The following RNF217 variants were observed in gnomAD, a reference collection of about 807,000 sequenced individuals.
The protein encoded by RNF217 is E3 ubiquitin-protein ligase RNF217.
In RNF217, 31 loss-of-function variants were observed where a neutral mutation model predicts 57.8. The observed-to-expected ratio is 0.54, with a 90% CI of 0.40 to 0.72. The LOEUF is 0.72. Ranked by LOEUF, RNF217 falls within the 30% of genes least tolerant of loss-of-function variation. RNF217 has a pLI of 0.00. For missense variants in RNF217, 696 were observed against 708.3 expected (o/e 0.98, Z 0.20); for synonymous variants, 313 against 294.0 (o/e 1.06, Z -0.66).
chr6:125,012,071 A>G (rs1452635493), intron 1 of RNF217, among the ~76,000 whole-genome samples: 1 of 152,154 alleles, frequency 6.6e-6, no homozygotes, highest in Non-Finnish European at 1.5e-5. Context: ...AATGAAAGAG[A>G]TAGTCAGAGG....
chr6:125,064,912 A>G lies in RNF217; in HGVS notation c.1281+6806A>G, dbSNP rs151188618. 9.8e-3 allele frequency among the ~76,000 whole-genome samples: 1,489 copies of G among 152,218 alleles called. 16 individuals carry two copies. The highest frequency in any genetic ancestry group is 0.014 in the Non-Finnish European group (975 of 68,008). On this transcript the variant is annotated intron_variant, in intron 3 of 5. Coordinates refer to ENST00000521654, the MANE Select transcript of RNF217 (RefSeq NM_001286398.3). ...AACCATGCAAACATATTTTGGACTT[A>G]CATATAAAGTAGAATTAGCTTCTGA...
At chr6:125,055,371 C>T (rs1318089305) in intron 2 of RNF217, among the ~76,000 whole-genome samples, 1 of 152,108 alleles carries the variant, frequency 6.6e-6, no homozygotes, top group Non-Finnish European at 1.5e-5. Context: ...TTATTATGAG[C>T]CAGAGTCCCT....
intron 1 of RNF217, among the ~76,000 whole-genome samples, chr6:124,986,964 G>T (rs180891985): frequency 6.6e-6 from 1 of 152,004 alleles, no homozygotes; most frequent in Admixed American, 6.6e-5. Context: ...TTCATCTGTC[G>T]TACTGATCTG....
At chr6:125,056,798 G>T (rs1364971080) in intron 2 of RNF217, among the ~76,000 whole-genome samples, 1 of 152,154 alleles carries the variant, frequency 6.6e-6, no homozygotes, top group African/African-American at 2.4e-5. Flanking sequence ...GGCTCTGTAA[G>T]TCAGGTTATA....
At chr6:125,021,432 A>G (rs1186893132) in intron 1 of RNF217, among the ~76,000 whole-genome samples, 2 of 151,840 alleles carry the variant, frequency 1.3e-5, no homozygotes, top group Non-Finnish European at 2.9e-5. Flanking sequence ...TGCCCGACTA[A>G]TTTTTTGTAT....
chr6:125,078,536 C>A (rs1177609571), intron 4 of RNF217, among the ~76,000 whole-genome samples: 1 of 152,052 alleles, frequency 6.6e-6, no homozygotes, highest in African/African-American at 2.4e-5. Context: ...GCCAGCAAGC[C>A]CACGAGACAC....
intron 1 of RNF217, among the ~76,000 whole-genome samples, chr6:124,998,736 G>A (rs977577211): frequency 2.0e-5 from 3 of 152,306 alleles, no homozygotes; most frequent in Admixed American, 2.0e-4. Context: ...GGGAGGGGGA[G>A]GCTGCAGTGA....
At chr6:125,056,122 G>T (rs1787514699) in intron 2 of RNF217, among the ~76,000 whole-genome samples, 1 of 152,048 alleles carries the variant, frequency 6.6e-6, no homozygotes, top group Non-Finnish European at 1.5e-5. Flanking sequence ...GACCATCTTT[G>T]ACTACTACAT....
rs1030266523 is a variant in RNF217, at chr6:125,087,351, T to A, written c.*4414T>A. On this transcript the variant is annotated 3_prime_UTR_variant, in exon 6 of 6. Transcript: ENST00000521654. The stretch of plus-strand genomic sequence containing the variant: ...TAAGCAACCTGCACATAAGCCTTAA[T>A]GTGAGTCTTCACATTGGATTATATT... The A allele has an allele frequency of 3.3e-5, 5 of 152,204 alleles. No individual in the cohort carries two copies. In the South Asian group the frequency reaches 1.0e-3, roughly 31 times the overall value. 9.4% of individuals were successfully genotyped at this position (152,204 alleles called of 1,614,324 possible). A position where few individuals can be genotyped will look rare whatever the true frequency, so the allele number is the denominator to read the frequency against.
intron 2 of RNF217, among the ~76,000 whole-genome samples, chr6:125,056,756 A>G (rs937294978): frequency 6.6e-6 from 1 of 152,218 alleles, no homozygotes; most frequent in Non-Finnish European, 1.5e-5. Flanking sequence ...ATTCATAATG[A>G]GACATTTTAT....
intron 1 of RNF217, among the ~76,000 whole-genome samples, chr6:125,038,859 A>G (rs1324382837): frequency 6.6e-6 from 1 of 152,098 alleles, no homozygotes; most frequent in African/African-American, 2.4e-5. Flanking sequence ...TCTGTGATAC[A>G]TATGCAGGAT....
rs1166460087 is a variant in RNF217, at chr6:125,087,811, A to T, written c.*4874A>T. The T allele has an allele frequency of 6.6e-6, 1 of 152,074 alleles. No individual in the cohort carries two copies. The highest frequency in any genetic ancestry group is 1.5e-5 in the Non-Finnish European group (1 of 67,984). The allele number at this position is 152,074 out of a possible 1,614,324, so 9.4% of individuals were successfully genotyped here. ...TACCTAATTGGAATGTTTGTTTAAA[A>T]TATTAAATTAATTTATACTGAAAGT... On this transcript the variant is annotated 3_prime_UTR_variant, in exon 6 of 6. Transcript: ENST00000521654.
At chr6:125,061,111 T>C (rs996833431) in intron 3 of RNF217, among the ~76,000 whole-genome samples, 1 of 152,142 alleles carries the variant, frequency 6.6e-6, no homozygotes, top group African/African-American at 2.4e-5. Context: ...AAATTGTGTA[T>C]TATAAATAAT....
intron 1 of RNF217, among the ~76,000 whole-genome samples, chr6:125,023,673 A>ATCT (rs1785946906): frequency 6.6e-6 from 1 of 152,196 alleles, no homozygotes; most frequent in Non-Finnish European, 1.5e-5. Flanking sequence ...GAAACCACCT[A>ATCT]AGTGCCCATT....
intron 3 of RNF217, among the ~76,000 whole-genome samples, chr6:125,062,060 A>G (rs909950851): frequency 6.6e-6 from 1 of 152,050 alleles, no homozygotes; most frequent in Non-Finnish European, 1.5e-5. Context: ...ATTATAATAC[A>G]TAATAGTCTC....
chr6:125,026,373 A>G (rs1786080290), intron 1 of RNF217, among the ~76,000 whole-genome samples: 1 of 152,120 alleles, frequency 6.6e-6, no homozygotes, highest in African/African-American at 2.4e-5. Context: ...GGAGTAACTG[A>G]GGTTAATCAA....
chr6:125,082,345 A>G, intron 5 of RNF217: 1 of 1,184,444 alleles, frequency 8.4e-7, no homozygotes. Context: ...TTTAGCAAGT[A>G]ATAAATGTGC....
intron 1 of RNF217, among the ~76,000 whole-genome samples, chr6:124,991,400 T>C (rs1784555303): frequency 6.6e-6 from 1 of 152,248 alleles, no homozygotes; most frequent in Admixed American, 6.5e-5. Context: ...AGTGGCCTTC[T>C]TTTAGCAACC....
chr6:125,052,402 C>T (rs1582755534), intron 2 of RNF217, among the ~76,000 whole-genome samples: 1 of 151,434 alleles, frequency 6.6e-6, no homozygotes, highest in East Asian at 2.0e-4. Context: ...CTTTCCCTTT[C>T]CAGCTTAGTT....
Sources: allele counts gnomAD v4.1 joint callset (sites outside exome capture counted in the v4.1 genomes callset), GRCh38; gene constraint gnomAD v4.1.1; transcripts MANE v1.5; gene names NCBI Gene and HGNC (gene_info 2026-07-23, HGNC 2026-07-21).